Variants in NAALADL2 observed in about 807,000 individuals in gnomAD.
The protein encoded by NAALADL2 is N-acetylated alpha-linked acidic dipeptidase like 2.
NAALADL2 carries 76 observed loss-of-function variants against 87.2 expected under a neutral mutation model. That is an observed-to-expected ratio of 0.87 (90% CI 0.72 to 1.05). NAALADL2 has a LOEUF of 1.05. Ranked by LOEUF, NAALADL2 falls within the 50% of genes least tolerant of loss-of-function variation. The probability of loss-of-function intolerance (pLI) is 0.00; values close to 1 mark genes in which losing one functional copy is unlikely to be tolerated. For synonymous variants in NAALADL2, 354 were observed against 331.0 expected (o/e 1.07, Z -0.75); for missense variants, 1,089 against 945.8 (o/e 1.15, Z -1.99).
intron 2 of NAALADL2, among the ~76,000 whole-genome samples, chr3:174,729,081 T>C (rs574302): frequency 0.45 from 67,738 of 151,664 alleles, 15,449 homozygotes; most frequent in Non-Finnish European, 0.5. Flanking sequence ...CTTAATAAAA[T>C]CAACTAACTT....
Position 175,256,492 on chromosome 3 carries a change from G to T in NAALADL2, c.901G>T (p.Ala301Ser), listed in dbSNP as rs575644923. The T allele has an allele frequency of 2.5e-6, 4 of 1,612,572 alleles. No individual in the cohort carries two copies. The African/African-American group carries it at 5.3e-5, about 22-fold the overall frequency. The stretch of plus-strand genomic sequence containing the variant: ...AATAAAAAACGTAACAAATCAGATC[G>T]CACTCCTGAAATTAGGAAAATTGCC... ...RKIKNVTNQI[A>S]LLKLGKLPLL... The change falls in exon 4 of 14, where the codon GCA (alanine) becomes TCA (serine). Residue 301 changes from alanine (A) to serine (S), a missense_variant. Transcript: ENST00000454872.
At chr3:175,644,207 T>A (rs560476929) in intron 11 of NAALADL2, among the ~76,000 whole-genome samples, 10 of 152,290 alleles carry the variant, frequency 6.6e-5, no homozygotes, top group African/African-American at 2.4e-4. Flanking sequence ...GTCAATTTCA[T>A]GTGTTGAAAA....
intron 1 of NAALADL2, among the ~76,000 whole-genome samples, chr3:175,030,975 A>G (rs1178616699): frequency 6.6e-6 from 1 of 152,054 alleles, no homozygotes; most frequent in African/African-American, 2.4e-5. Context: ...CCATATCAGT[A>G]TTCTTCAAAA....
intron 2 of NAALADL2, among the ~76,000 whole-genome samples, chr3:175,134,297 A>G (rs187158438): frequency 6.6e-6 from 1 of 152,352 alleles, no homozygotes; most frequent in Admixed American, 6.5e-5. Flanking sequence ...CTTAACCTGT[A>G]TCTGCAACTT....
chr3:174,916,168 C>A lies in NAALADL2; in HGVS notation c.43+56718C>A, dbSNP rs114939810. ...TACAAATTAAAACCATGATGAGATA[C>A]CACCTTACTCCTGCAAGAACGGCCA... On this transcript the variant is annotated intron_variant, in intron 1 of 13. Coordinates refer to ENST00000454872, the MANE Select transcript of NAALADL2 (RefSeq NM_207015.3). 3.9e-3 allele frequency among the ~76,000 whole-genome samples: 588 copies of A among 152,118 alleles called. 3 individuals carry two copies. Among genetic ancestry groups the A allele is most frequent in the Non-Finnish European group, 7.1e-3 (483 of 67,966 alleles).
At chr3:175,503,469 T>G (rs1261894972) in intron 9 of NAALADL2, among the ~76,000 whole-genome samples, 2 of 152,276 alleles carry the variant, frequency 1.3e-5, no homozygotes, top group East Asian at 3.9e-4. Context: ...CTAGGTGGAA[T>G]GGTAATTCTG....
chr3:175,721,638 T>C (rs1277826404), intron 11 of NAALADL2, among the ~76,000 whole-genome samples: 2 of 152,102 alleles, frequency 1.3e-5, no homozygotes, highest in African/African-American at 2.4e-5. Context: ...CTAACATGTA[T>C]ACAAAATAAA....
At chr3:175,567,769 G>T (rs1317321708) in intron 9 of NAALADL2, among the ~76,000 whole-genome samples, 1 of 149,378 alleles carries the variant, frequency 6.7e-6, no homozygotes, top group African/African-American at 2.5e-5. Context: ...AGGCTGGAGT[G>T]CAGTGGCACT....
chr3:175,595,123 G>A (rs780543275), intron 10 of NAALADL2, among the ~76,000 whole-genome samples: 1 of 152,052 alleles, frequency 6.6e-6, no homozygotes, highest in Non-Finnish European at 1.5e-5. Flanking sequence ...GATTTTTATA[G>A]CTTGAGGTCT....
At chr3:174,965,693 T>C (rs1742768068) in intron 1 of NAALADL2, among the ~76,000 whole-genome samples, 1 of 152,098 alleles carries the variant, frequency 6.6e-6, no homozygotes, top group Non-Finnish European at 1.5e-5. Context: ...GGAGGCTTGG[T>C]ACGGGAAAGG....
intron 2 of NAALADL2, among the ~76,000 whole-genome samples, chr3:174,689,253 ATT>A (rs1728331572): frequency 6.6e-6 from 1 of 152,006 alleles, no homozygotes; most frequent in Non-Finnish European, 1.5e-5. Flanking sequence ...AAGCCTAGAT[ATT>A]TTTGTTAGTC....
chr3:174,494,621 T>TTA (rs758397922), intron 1 of NAALADL2, among the ~76,000 whole-genome samples: 1 of 148,340 alleles, frequency 6.7e-6, no homozygotes, highest in Admixed American at 6.8e-5. Context: ...CTTAAAGTAT[T>TTA]AAAAAAAAAA....
chr3:175,544,961 C>T (rs1337860210), intron 9 of NAALADL2, among the ~76,000 whole-genome samples: 1 of 152,154 alleles, frequency 6.6e-6, no homozygotes, highest in African/African-American at 2.4e-5. Flanking sequence ...GACAAATGTA[C>T]AAACACTCAA....
intron 8 of NAALADL2, among the ~76,000 whole-genome samples, chr3:175,468,194 A>G (rs558513999): frequency 1.3e-5 from 2 of 152,266 alleles, no homozygotes; most frequent in Admixed American, 1.3e-4. Context: ...TAAAGAATAG[A>G]CTTAAAGATG....
intron 2 of NAALADL2, among the ~76,000 whole-genome samples, chr3:175,127,925 T>C (rs1727216146): frequency 6.6e-6 from 1 of 152,152 alleles, no homozygotes; most frequent in Admixed American, 6.5e-5. Flanking sequence ...CACAAAATAT[T>C]AATAATAGAT....
At chr3:175,614,285 T>G (rs4642141) in intron 10 of NAALADL2, among the ~76,000 whole-genome samples, 98,857 of 152,130 alleles carry the variant, frequency 0.65, 34,556 homozygotes, top group East Asian at 0.85. Flanking sequence ...ACTCTTGAAC[T>G]CATGATCTGC....
chr3:175,467,907 G>C (rs1204440792), intron 8 of NAALADL2, among the ~76,000 whole-genome samples: 1 of 152,072 alleles, frequency 6.6e-6, no homozygotes, highest in African/African-American at 2.4e-5. Context: ...TAATTGGATT[G>C]ATAGAAAGTC....
intron 2 of NAALADL2, among the ~76,000 whole-genome samples, chr3:174,685,368 A>G (rs1032216507): frequency 3.3e-5 from 5 of 152,114 alleles, no homozygotes; most frequent in African/African-American, 4.8e-5. Context: ...AATTCTGACA[A>G]ATTTATCCAA....
intron 2 of NAALADL2, among the ~76,000 whole-genome samples, chr3:174,690,564 A>T (rs1398534661): frequency 6.6e-6 from 1 of 152,198 alleles, no homozygotes; most frequent in African/African-American, 2.4e-5. Flanking sequence ...TGTAATTAGG[A>T]GGCTAATCTG....
Sources: allele counts gnomAD v4.1 joint callset (sites outside exome capture counted in the v4.1 genomes callset), GRCh38; gene constraint gnomAD v4.1.1; transcripts MANE v1.5; gene names NCBI Gene and HGNC (gene_info 2026-07-23, HGNC 2026-07-21).